The following FRMPD2 variants were observed in gnomAD, a reference collection of about 807,000 sequenced individuals.
The protein encoded by FRMPD2 is FERM and PDZ domain containing 2.
FRMPD2 carries 96 observed loss-of-function variants against 140.1 expected under a neutral mutation model. The observed-to-expected ratio is 0.69, with a 90% CI of 0.58 to 0.81. FRMPD2 has a LOEUF of 0.81. Ranked by LOEUF, FRMPD2 falls within the 40% of genes least tolerant of loss-of-function variation. The pLI is 0.00. For synonymous variants in FRMPD2, 449 were observed against 547.6 expected (o/e 0.82, Z 2.52); for missense variants, 1,240 against 1,447.4 (o/e 0.86, Z 2.32).
At chr10:48,181,460 A>T (rs1838545193) in intron 20 of FRMPD2, among the ~76,000 whole-genome samples, 1 of 151,628 alleles carries the variant, frequency 6.6e-6, no homozygotes, top group Non-Finnish European at 1.5e-5. Context: ...AACTGTCTTA[A>T]ACCCAGCCTC....
intron 1 of FRMPD2, among the ~76,000 whole-genome samples, chr10:48,270,441 T>C (rs1840747391): frequency 6.6e-6 from 1 of 152,216 alleles, no homozygotes; most frequent in South Asian, 2.1e-4. Context: ...TTGACAAAGA[T>C]GTATATTCAA....
At chr10:48,230,371 G>A (rs910186352) in intron 10 of FRMPD2, among the ~76,000 whole-genome samples, 3 of 152,198 alleles carry the variant, frequency 2.0e-5, no homozygotes, top group African/African-American at 7.2e-5. Context: ...TGACTTGGAT[G>A]TCATATTTGA....
Position 48,184,615 on chromosome 10 carries a change from C to A in FRMPD2, c.2535G>T (p.Met845Ile), listed in dbSNP as rs1564417990. ...EGFTFNMAVR[M>I]IQNSPDNIEL... is the part of the protein sequence containing the mutation. Reference sequence around the variant, plus strand: ...CTATGTTGTCAGGGGAATTCTGGATCATCCTAACAGCCATGTTGAATGTGA... The same window carrying A: ...CTATGTTGTCAGGGGAATTCTGGATAATCCTAACAGCCATGTTGAATGTGA... Residue 845 changes from methionine (M) to isoleucine (I), a missense_variant, in exon 20 of 29, where the codon ATG (methionine) becomes ATT (isoleucine). By Grantham distance (10) the Met-to-Ile change is conservative. This residue lies in a region of FRMPD2 where 1,161 missense variants were observed against 1,055.9 expected (regional missense o/e 1.10). Coordinates refer to ENST00000374201, the MANE Select transcript of FRMPD2 (RefSeq NM_001018071.4). The A allele has an allele frequency of 3.1e-6, 5 of 1,613,602 alleles. No individual in the cohort carries two copies. Among genetic ancestry groups the A allele is most frequent in the Non-Finnish European group, 4.2e-6 (5 of 1,179,534 alleles).
At position 48,274,646 on chromosome 10, in the gene FRMPD2, T is replaced by C; in HGVS notation, c.-79A>G. On this transcript the variant is annotated 5_prime_UTR_variant, in exon 1 of 29. Coordinates refer to ENST00000374201, the MANE Select transcript of FRMPD2 (RefSeq NM_001018071.4). ...AAGGAGCAGGGGTCTCTTGCAAGTC[T>C]GTCCGCGGAGCTCCCTGCCACCAGC... The C allele has an allele frequency of 1.4e-6, 2 of 1,382,544 alleles. No homozygotes were observed. The highest frequency in any genetic ancestry group is 2.1e-6 in the Non-Finnish European group (2 of 975,146). 85.6% of individuals were successfully genotyped at this position (1,382,544 alleles called of 1,614,324 possible).
chr10:48,259,724 G>T (rs1326329424), intron 1 of FRMPD2, among the ~76,000 whole-genome samples: 1 of 151,672 alleles, frequency 6.6e-6, no homozygotes, highest in Non-Finnish European at 1.5e-5. Context: ...ATAGCCTGGG[G>T]TAATAGACTC....
At chr10:48,178,450 T>C (rs1430858628) in intron 21 of FRMPD2, among the ~76,000 whole-genome samples, 2 of 152,222 alleles carry the variant, frequency 1.3e-5, no homozygotes, top group African/African-American at 4.8e-5. Context: ...TTGTCCTGTC[T>C]GCCCCCTTTA....
intron 15 of FRMPD2, among the ~76,000 whole-genome samples, chr10:48,197,261 AC>A (rs1308909216): frequency 6.0e-5 from 9 of 150,994 alleles, no homozygotes; most frequent in African/African-American, 2.2e-4. Context: ...ACTGAACAAA[AC>A]CCCCGTGAGC....
At chr10:48,265,542 A>AAAAAGTGG (rs1840663481) in intron 1 of FRMPD2, among the ~76,000 whole-genome samples, 1 of 152,326 alleles carries the variant, frequency 6.6e-6, no homozygotes, top group South Asian at 2.1e-4. Flanking sequence ...CAACCCCATT[A>AAAAAGTGG]AAAAGTGGGC....
At chr10:48,254,381 G>C (rs1840449467) in intron 1 of FRMPD2, among the ~76,000 whole-genome samples, 1 of 152,196 alleles carries the variant, frequency 6.6e-6, no homozygotes, top group Non-Finnish European at 1.5e-5. Flanking sequence ...TGACCTGAGA[G>C]GTCTGGCAGG....
At position 48,236,469 on chromosome 10, in the gene FRMPD2, G is replaced by A; in HGVS notation, c.993+13C>T. 1.2e-6 allele frequency: 2 copies of A among 1,613,204 alleles called. No homozygotes were observed. The highest frequency in any genetic ancestry group is 1.7e-6 in the Non-Finnish European group (2 of 1,179,188). ...CCACCCTCCATCCCTGCCCAGTCTAGCCCAGTAGTTACCACAACCGATCCC... is the reference window on the plus strand; with the variant it reads ...CCACCCTCCATCCCTGCCCAGTCTAACCCAGTAGTTACCACAACCGATCCC... On this transcript the variant is annotated intron_variant, in intron 9 of 28. Transcript: ENST00000374201.
At chr10:48,236,442 C>A in intron 9 of FRMPD2, 40 bp downstream of exon 9, 1 of 1,592,286 alleles carries the variant, frequency 6.3e-7, no homozygotes, top group South Asian at 1.1e-5. Flanking sequence ...CCACTTCCCT[C>A]GCCACCCTCC....
intron 6 of FRMPD2, 108 bp downstream of exon 6, chr10:48,240,252 A>G (rs1824067165): frequency 2.4e-6 from 3 of 1,265,396 alleles, no homozygotes; most frequent in East Asian, 2.4e-5. Flanking sequence ...TGGCACTTAC[A>G]TAGGCTTTCT....
chr10:48,261,518 T>TA (rs894950954), intron 1 of FRMPD2, among the ~76,000 whole-genome samples: 3 of 152,118 alleles, frequency 2.0e-5, no homozygotes, highest in South Asian at 2.1e-4. Flanking sequence ...AGTGTAAAAA[T>TA]AAAAAAACTA....
chr10:48,191,809 A>G (rs1013920024), intron 16 of FRMPD2, among the ~76,000 whole-genome samples: 1 of 152,192 alleles, frequency 6.6e-6, no homozygotes, highest in Non-Finnish European at 1.5e-5. Flanking sequence ...TCGTTTTGTC[A>G]TGTGAAGTTG....
rs1204316578 is a variant in FRMPD2, at chr10:48,184,767, G to A, written c.2467+7C>T. The A allele has an allele frequency of 6.2e-7, 1 of 1,607,040 alleles. No individual in the cohort carries two copies. Among genetic ancestry groups the A allele is most frequent in the Non-Finnish European group, 8.5e-7 (1 of 1,174,962 alleles). ...AACAGCATCTCTAGTAATTTAAAAAGATGTACCTGGTTTGATCGTTTTTGC... is the reference window on the plus strand; with the variant it reads ...AACAGCATCTCTAGTAATTTAAAAAAATGTACCTGGTTTGATCGTTTTTGC... On this transcript the variant is annotated splice_region_variant and intron_variant, in intron 19 of 28. Transcript: ENST00000374201.
intron 12 of FRMPD2, among the ~76,000 whole-genome samples, chr10:48,213,199 G>A (rs1482150564): frequency 1.3e-5 from 2 of 152,192 alleles, no homozygotes; most frequent in African/African-American, 4.8e-5. Context: ...GAATCCTCAG[G>A]TTGGTGCTGG....
intron 9 of FRMPD2, among the ~76,000 whole-genome samples, chr10:48,234,741 G>C (rs1035174502): frequency 6.6e-6 from 1 of 152,100 alleles, no homozygotes; most frequent in Non-Finnish European, 1.5e-5. Flanking sequence ...TAGAGGCAAG[G>C]GTCCAAGGTC....
At chr10:48,220,776 A>G (rs1839566445) in intron 12 of FRMPD2, among the ~76,000 whole-genome samples, 1 of 152,210 alleles carries the variant, frequency 6.6e-6, no homozygotes, top group African/African-American at 2.4e-5. Flanking sequence ...AAAGTAGACT[A>G]AGGACATGAA....
intron 1 of FRMPD2, among the ~76,000 whole-genome samples, chr10:48,271,421 C>T (rs1797363925): frequency 6.6e-6 from 1 of 152,240 alleles, no homozygotes; most frequent in African/African-American, 2.4e-5. Context: ...CAGCCAGACA[C>T]TGTTTAACCC....
Sources: allele counts gnomAD v4.1 joint callset (sites outside exome capture counted in the v4.1 genomes callset), GRCh38; gene constraint gnomAD v4.1.1; regional missense constraint gnomAD v4.1.1; transcripts MANE v1.5; gene names NCBI Gene and HGNC (gene_info 2026-07-23, HGNC 2026-07-21).